The following RNGTT variants were observed in gnomAD, a reference collection of about 807,000 sequenced individuals.
The protein encoded by RNGTT is RNA guanylyltransferase and 5'-phosphatase, also known as mRNA-capping enzyme.
Under a neutral mutation model 79.3 loss-of-function variants are expected in RNGTT, and 33 were observed. The observed-to-expected ratio is 0.42, with a 90% CI of 0.32 to 0.56. The LOEUF (loss-of-function observed/expected upper bound fraction) is 0.56. RNGTT is among the 20% of genes least tolerant of loss of function. The pLI is 0.17. For missense variants in RNGTT, 497 were observed against 739.1 expected (o/e 0.67, Z 3.80); for synonymous variants, 222 against 235.9 (o/e 0.94, Z 0.54).
chr6:88,678,662 T>C (rs1190888878), intron 13 of RNGTT, among the ~76,000 whole-genome samples: 1 of 152,122 alleles, frequency 6.6e-6, no homozygotes, highest in African/African-American at 2.4e-5. Flanking sequence ...TGTGTGCCTA[T>C]AGTCCTAGTA....
At chr6:88,659,246 C>T (rs955909129) in intron 14 of RNGTT, among the ~76,000 whole-genome samples, 3 of 152,124 alleles carry the variant, frequency 2.0e-5, no homozygotes, top group Non-Finnish European at 4.4e-5. Context: ...GTTCTTATAA[C>T]ACCCACTAAA....
chr6:88,848,768 T>C (rs1781570739), intron 10 of RNGTT, among the ~76,000 whole-genome samples: 1 of 151,902 alleles, frequency 6.6e-6, no homozygotes, highest in African/African-American at 2.4e-5. Context: ...GATTTGAGAT[T>C]AGGAGAGAGG....
At chr6:88,958,612 A>G (rs936044883) in intron 1 of RNGTT, among the ~76,000 whole-genome samples, 1 of 152,254 alleles carries the variant, frequency 6.6e-6, no homozygotes, top group African/African-American at 2.4e-5. Context: ...CATATGAAAA[A>G]TGTTCAACAT....
At chr6:88,849,480 T>C (rs1781595090) in intron 10 of RNGTT, among the ~76,000 whole-genome samples, 1 of 151,962 alleles carries the variant, frequency 6.6e-6, no homozygotes, top group African/African-American at 2.4e-5. Context: ...ATCAGAAATG[T>C]TCATTTTATG....
intron 12 of RNGTT, among the ~76,000 whole-genome samples, chr6:88,774,140 A>T (rs1205312462): frequency 6.6e-6 from 1 of 152,162 alleles, no homozygotes; most frequent in Non-Finnish European, 1.5e-5. Flanking sequence ...AAAAAAACCC[A>T]AATTTAAAAG....
chr6:88,638,741 C>T (rs991874580), intron 14 of RNGTT, among the ~76,000 whole-genome samples: 2 of 152,052 alleles, frequency 1.3e-5, no homozygotes, highest in East Asian at 3.8e-4. Flanking sequence ...AAAAGTGAGA[C>T]GTTAACTCTG....
chr6:88,652,909 T>C (rs1353368077), intron 14 of RNGTT, among the ~76,000 whole-genome samples: 2 of 152,304 alleles, frequency 1.3e-5, no homozygotes, highest in Admixed American at 6.5e-5. Context: ...GAACACTCTT[T>C]TATAATGGAT....
chr6:88,769,805 G>T lies in RNGTT; in HGVS notation c.1408C>A (p.Arg470Ser). The T allele has an allele frequency of 6.2e-7, 1 of 1,611,596 alleles. No individual in the cohort carries two copies. The highest frequency in any genetic ancestry group is 8.5e-7 in the Non-Finnish European group (1 of 1,178,418). The change falls in exon 13 of 16, where the codon CGT becomes AGT. Residue 470 changes from arginine (R) to serine (S), a missense_variant. Physicochemically the swap from Arg to Ser is moderately radical, Grantham distance 110. Around this residue, in one of 3 missense-constraint regions of RNGTT, gnomAD observed 440 missense variants for 671.5 expected, o/e 0.66. Transcript: ENST00000369485. ...CCTCCCATTCTTGTTATTTTTAGAC[G>T]AAAATCCACAGAATTCAGACTGGGA... ...KPPSLNSVDF[R>S]LKITRMGGEG...
chr6:88,937,354 A>T (rs1784699253), intron 2 of RNGTT, among the ~76,000 whole-genome samples: 1 of 152,138 alleles, frequency 6.6e-6, no homozygotes. Flanking sequence ...TCAAAAAAAA[A>T]AAATAGTCTC....
At chr6:88,622,488 C>A (rs1370795292) in intron 14 of RNGTT, among the ~76,000 whole-genome samples, 1 of 152,066 alleles carries the variant, frequency 6.6e-6, no homozygotes, top group African/African-American at 2.4e-5. Flanking sequence ...CAAATGGACT[C>A]ATCTTATTTG....
intron 13 of RNGTT, among the ~76,000 whole-genome samples, chr6:88,738,373 G>A (rs896993278): frequency 6.6e-6 from 1 of 152,072 alleles, no homozygotes; most frequent in African/African-American, 2.4e-5. Context: ...TGGGATCCTG[G>A]AAAAGAAAAA....
At chr6:88,735,337 T>C (rs1777248527) in intron 13 of RNGTT, among the ~76,000 whole-genome samples, 1 of 152,126 alleles carries the variant, frequency 6.6e-6, no homozygotes, top group Admixed American at 6.6e-5. Context: ...TGAATTCAGC[T>C]GACATTTATA....
intron 11 of RNGTT, among the ~76,000 whole-genome samples, chr6:88,806,804 G>T (rs898101427): frequency 6.6e-6 from 1 of 152,126 alleles, no homozygotes; most frequent in African/African-American, 2.4e-5. Context: ...TAAATTCATT[G>T]CAGCACTATT....
At chr6:88,844,874 G>A (rs1781436530) in intron 10 of RNGTT, among the ~76,000 whole-genome samples, 1 of 151,986 alleles carries the variant, frequency 6.6e-6, no homozygotes, top group Non-Finnish European at 1.5e-5. Context: ...GATCACATGA[G>A]CCCAGGAGTT....
chr6:88,708,884 G>A (rs1329878165), intron 13 of RNGTT, among the ~76,000 whole-genome samples: 1 of 152,110 alleles, frequency 6.6e-6, no homozygotes, highest in Non-Finnish European at 1.5e-5. Flanking sequence ...TGAGAGAAAA[G>A]GAGAATCTGA....
chr6:88,732,192 C>CA (rs1488377830), intron 13 of RNGTT, among the ~76,000 whole-genome samples: 1 of 151,960 alleles, frequency 6.6e-6, no homozygotes, highest in Non-Finnish European at 1.5e-5. Flanking sequence ...ACAGCAATAA[C>CA]AAAAAACCTG....
intron 14 of RNGTT, among the ~76,000 whole-genome samples, chr6:88,630,987 T>C (rs181311298): frequency 1.3e-5 from 2 of 152,318 alleles, no homozygotes; most frequent in Non-Finnish European, 2.9e-5. Flanking sequence ...GTTTACTTTA[T>C]TACAGCTTAT....
chr6:88,910,353 T>A (rs765159938), intron 4 of RNGTT, among the ~76,000 whole-genome samples: 9 of 152,120 alleles, frequency 5.9e-5, no homozygotes, highest in Non-Finnish European at 1.0e-4. Flanking sequence ...ACCGGCCTTA[T>A]AAGAGATGCT....
chr6:88,785,083 C>A (rs1472991043), intron 12 of RNGTT, among the ~76,000 whole-genome samples: 2 of 151,946 alleles, frequency 1.3e-5, no homozygotes, highest in Non-Finnish European at 2.9e-5. Context: ...TTTTAAAAAT[C>A]TACCATTAAT....
Sources: gnomAD v4.1 joint callset for allele counts (sites outside exome capture counted in the v4.1 genomes callset) on GRCh38, gnomAD v4.1.1 for gene constraint, gnomAD v4.1.1 regional missense constraint, MANE v1.5 for transcripts, NCBI Gene and HGNC (gene_info 2026-07-23, HGNC 2026-07-21) for gene names.